Variants in PKP1 observed in about 807,000 individuals in gnomAD.
PKP1 encodes the protein plakophilin 1, also known as plakophilin-1.
PKP1 carries 27 observed loss-of-function variants against 76.4 expected under a neutral mutation model. The observed-to-expected ratio is 0.35, with a 90% CI of 0.26 to 0.49. The LOEUF (loss-of-function observed/expected upper bound fraction) is 0.49. PKP1 is among the 20% of genes least tolerant of loss of function. PKP1 has a pLI of 0.99. For missense variants in PKP1, 964 were observed against 955.2 expected, an observed-to-expected ratio of 1.01 and a Z score of -0.12; for synonymous variants, 404 against 384.2, an observed-to-expected ratio of 1.05 and a Z score of -0.60.
chr1:201,313,434 G>A lies in PKP1; in HGVS notation c.575G>A (p.Gly192Asp). The change falls in exon 3 of 14, where the codon GGT becomes GAT. Residue 192 changes from glycine (G) to aspartate (D), a missense_variant. Gly to Asp is a moderately conservative substitution (Grantham distance 94, BLOSUM62 -1). Coordinates refer to ENST00000367324, the MANE Select transcript of PKP1 (RefSeq NM_001005337.3). ...NRYSFYSTCS[G>D]QKAIKKCPVR... ...TACAGCTTTTACAGCACCTGCAGTGGTCAGAAGGCCATAAAGAAGTGCCCT... is the reference window on the plus strand; with the variant it reads ...TACAGCTTTTACAGCACCTGCAGTGATCAGAAGGCCATAAAGAAGTGCCCT... 1.2e-6 allele frequency: 2 copies of A among 1,601,878 alleles called. No homozygotes were observed. The highest frequency in any genetic ancestry group is 1.1e-5 in the South Asian group (1 of 88,634).
intron 2 of PKP1, among the ~76,000 whole-genome samples, chr1:201,310,116 G>C (rs935694290): frequency 2.0e-5 from 3 of 152,142 alleles, no homozygotes; most frequent in Admixed American, 6.5e-5. Flanking sequence ...ATCCCATTTA[G>C]GTATGTCACA....
In PKP1 at chr1:201,283,858, G is replaced by A; in HGVS notation, c.156G>A (p.Gln52=). ...AGGTGATGATGACCGTCAAGCGGCA[G>A]AAGTCCAAGTCTTCCCAGTCGTCCA... The part of the protein sequence containing the change: ...QEQVMMTVKR[Q]KSKSSQSSTL... Residue 52 remains glutamine (Q), a synonymous_variant, in exon 1 of 14, where the codon CAG becomes CAA. Transcript: ENST00000367324. The A allele has an allele frequency of 1.2e-6, 2 of 1,614,202 alleles. No individual in the cohort carries two copies. Among genetic ancestry groups the A allele is most frequent in the Non-Finnish European group, 1.7e-6 (2 of 1,180,010 alleles).
At chr1:201,306,673 C>T (rs1179033792) in intron 2 of PKP1, among the ~76,000 whole-genome samples, 1 of 151,310 alleles carries the variant, frequency 6.6e-6, no homozygotes. Flanking sequence ...GGCACCAAAA[C>T]TTTTACTTTT....
chr1:201,318,833 C>G (rs1177111667), intron 6 of PKP1, 38 bp downstream of exon 6: 5 of 1,522,174 alleles, frequency 3.3e-6, no homozygotes, highest in Admixed American at 3.9e-5. Context: ...TTTGTCCCAG[C>G]CTTGGGCCCT....
At chr1:201,297,468 C>T (rs1656108158) in intron 2 of PKP1, among the ~76,000 whole-genome samples, 1 of 152,152 alleles carries the variant, frequency 6.6e-6, no homozygotes, top group Non-Finnish European at 1.5e-5. Context: ...GTTCTCAGCA[C>T]CAAACCTGTA....
rs1278309769 is a variant in PKP1, at chr1:201,317,582, T to G, written c.857T>G (p.Leu286Arg). The G allele has an allele frequency of 8.7e-6, 14 of 1,613,734 alleles. No homozygotes were observed. Among genetic ancestry groups the G allele is most frequent in the Non-Finnish European group, 1.2e-5 (14 of 1,179,938 alleles). Residue 286 changes from leucine to arginine, a missense_variant, in exon 5 of 14, where the codon CTG becomes CGG. By Grantham distance (102) the Leu-to-Arg change is moderately radical (BLOSUM62 -2). Transcript: ENST00000367324. ...ACTCTTTCCTGGCAGGTCTATCAGC[T>G]GGGAGGCATCTGCAAGCTGGTGGAC... is the stretch of plus-strand genomic sequence containing the variant. Reference protein sequence around the residue: ...DESAKQQVYQLGGICKLVDLL... With the variant: ...DESAKQQVYQRGGICKLVDLL...
Position 201,325,843 on chromosome 1 carries a change from G to A in PKP1, c.2106+5G>A, listed in dbSNP as rs940573025. Reference sequence around the variant, plus strand: ...CTGCAGGGTGTCCTCAGACAGGTAAGAGCCCAGGACATCATCCTCTTCTGA... The same window carrying A: ...CTGCAGGGTGTCCTCAGACAGGTAAAAGCCCAGGACATCATCCTCTTCTGA... On this transcript the variant is annotated splice_donor_5th_base_variant and intron_variant, in intron 12 of 13. Transcript: ENST00000367324. 3.1e-6 allele frequency: 5 copies of A among 1,607,954 alleles called. No individual in the cohort carries two copies. The African/African-American group carries it at 4.0e-5, about 13-fold the overall frequency.
At chr1:201,285,649 A>ACTCCCC (rs1376941043) in intron 1 of PKP1, among the ~76,000 whole-genome samples, 1 of 151,180 alleles carries the variant, frequency 6.6e-6, no homozygotes, top group Non-Finnish European at 1.5e-5. Flanking sequence ...TCCCACTCCC[A>ACTCCCC]CTCCATCCCA....
intron 12 of PKP1, among the ~76,000 whole-genome samples, chr1:201,327,421 G>T (rs1195655890): frequency 1.3e-5 from 2 of 152,258 alleles, no homozygotes; most frequent in Middle Eastern, 3.4e-3. Context: ...CACAGCAAAG[G>T]GTGGCCCTTG....
intron 2 of PKP1, among the ~76,000 whole-genome samples, chr1:201,297,271 G>A (rs1024383947): frequency 1.3e-5 from 2 of 152,160 alleles, no homozygotes; most frequent in African/African-American, 2.4e-5. Flanking sequence ...TCCATGTTCT[G>A]CTCTCTGCTG....
At chr1:201,294,122 C>A in intron 2 of PKP1, 77 bp downstream of exon 2, 1 of 950,122 alleles carries the variant, frequency 1.1e-6, no homozygotes, top group Non-Finnish European at 1.7e-6. Context: ...AGAAAACCGG[C>A]ACCAGTTGCT....
chr1:201,312,349 C>T (rs1656581043), intron 2 of PKP1, among the ~76,000 whole-genome samples: 1 of 152,180 alleles, frequency 6.6e-6, no homozygotes. Flanking sequence ...AGAAGGCTGG[C>T]TGTGTGAGAA....
chr1:201,319,759 G>A, intron 6 of PKP1: 2 of 1,584,408 alleles, frequency 1.3e-6, no homozygotes, highest in African/African-American at 1.3e-5. Context: ...GCCCAGCCCG[G>A]CCACCCCCAG....
chr1:201,310,372 A>G (rs570552472), intron 2 of PKP1, among the ~76,000 whole-genome samples: 2 of 152,352 alleles, frequency 1.3e-5, no homozygotes, highest in East Asian at 1.9e-4. Flanking sequence ...AAGGCCACCC[A>G]TTGGGCAACG....
rs765530477 is a variant in PKP1, at chr1:201,324,961, G to A, written c.1855G>A (p.Val619Met). ...CCCAGGGAACCAGGTGTTCCCGGAG[G>A]TGACCAGGCTCCTCACCAGCCACAC... The part of the protein sequence containing the change: ...RVMGNQVFPE[V>M]TRLLTSHTGN... The change falls in exon 11 of 14, where the codon GTG becomes ATG. Residue 619 changes from valine to methionine, a missense_variant. Coordinates refer to ENST00000367324, the MANE Select transcript of PKP1 (RefSeq NM_001005337.3). 1 of 1,613,670 alleles carries A rather than the reference G, an allele frequency of 6.2e-7. No individual in the cohort carries two copies. The highest frequency in any genetic ancestry group is 8.5e-7 in the Non-Finnish European group (1 of 1,179,988).
intron 2 of PKP1, among the ~76,000 whole-genome samples, chr1:201,312,163 G>T (rs1656575830): frequency 6.6e-6 from 1 of 152,184 alleles, no homozygotes; most frequent in Non-Finnish European, 1.5e-5. Context: ...ACAGTCCCTT[G>T]TAAAAGGGCC....
chr1:201,332,832 G>A lies in PKP1; in HGVS notation c.*2791G>A, dbSNP rs2102194041. 6.6e-6 allele frequency: 1 copy of A among 152,390 alleles called. No individual in the cohort carries two copies. 9.4% of individuals were successfully genotyped at this position (152,390 alleles called of 1,614,324 possible). A position where few individuals can be genotyped will look rare whatever the true frequency, so the allele number is the denominator to read the frequency against. On this transcript the variant is annotated 3_prime_UTR_variant, in exon 14 of 14. Coordinates refer to ENST00000367324, the MANE Select transcript of PKP1 (RefSeq NM_001005337.3). ...GGGAAGGGAAGCCGGGGGCTGCTGT[G>A]AGGGATCTTGGAGCTTCCCTGTAGC...
chr1:201,323,266 C>T, intron 9 of PKP1, 77 bp downstream of exon 9: 1 of 1,413,840 alleles, frequency 7.1e-7, no homozygotes, highest in Non-Finnish European at 1.0e-6. Context: ...CCTCCTTTTC[C>T]CCCCAGCCTG....
chr1:201,325,675 T>C, intron 11 of PKP1, 79 bp from the exon 12 acceptor site: 1 of 1,074,846 alleles, frequency 9.3e-7, no homozygotes, highest in East Asian at 2.4e-5. Flanking sequence ...GCCCTGGCAG[T>C]GGGGGTGGGA....
Sources: allele counts gnomAD v4.1 joint callset (sites outside exome capture counted in the v4.1 genomes callset), GRCh38; gene constraint gnomAD v4.1.1; transcripts MANE v1.5; gene names NCBI Gene and HGNC (gene_info 2026-07-23, HGNC 2026-07-21).